Variants in DSCAM observed in about 807,000 individuals in gnomAD.
DSCAM encodes the protein DS cell adhesion molecule, also known as cell adhesion molecule DSCAM.
A neutral mutation model predicts 217.7 loss-of-function variants in DSCAM; 47 were observed. The ratio of observed to expected loss-of-function variants is 0.22; its 90% CI spans 0.17 to 0.28. The LOEUF is 0.28. Ranked by LOEUF, DSCAM falls within the 10% of genes least tolerant of loss-of-function variation. DSCAM has a pLI of 1.00. For missense variants in DSCAM, 2,080 were observed against 2,618.3 expected, an observed-to-expected ratio of 0.79 and a Z score of 4.49; for synonymous variants, 1,056 against 1,015.3, an observed-to-expected ratio of 1.04 and a Z score of -0.76.
At chr21:40,615,457 G>A (rs2089380356) in intron 3 of DSCAM, 1 of 7,606 alleles carries the variant, frequency 1.3e-4, no homozygotes, top group African/African-American at 7.6e-4. Context: ...CACTTTAAGA[G>A]TGATCTCTTC....
chr21:40,784,041 TTA>T (rs2091570528), intron 1 of DSCAM, among the ~76,000 whole-genome samples: 2 of 149,676 alleles, frequency 1.3e-5, no homozygotes, highest in African/African-American at 4.9e-5. Context: ...TCATCTTTTA[TTA>T]TTTTATTTAT....
intron 11 of DSCAM, among the ~76,000 whole-genome samples, chr21:40,257,562 A>AT (rs2073391307): frequency 1.3e-5 from 2 of 151,708 alleles, no homozygotes; most frequent in African/African-American, 2.4e-5. Flanking sequence ...ATAATGCATC[A>AT]TCCTTAGCCT....
intron 15 of DSCAM, among the ~76,000 whole-genome samples, chr21:40,177,507 C>T (rs2090746474): frequency 6.6e-6 from 1 of 152,174 alleles, no homozygotes; most frequent in East Asian, 1.9e-4. Context: ...AAGAGTTGTA[C>T]ATTTTAACCT....
intron 3 of DSCAM, among the ~76,000 whole-genome samples, chr21:40,536,675 G>A (rs2076501950): frequency 1.3e-5 from 2 of 152,242 alleles, no homozygotes; most frequent in South Asian, 4.2e-4. Context: ...CAAAGTGCAG[G>A]GATTACAGGC....
intron 5 of DSCAM, among the ~76,000 whole-genome samples, chr21:40,352,498 C>G (rs2074642259): frequency 6.6e-6 from 1 of 151,882 alleles, no homozygotes; most frequent in Non-Finnish European, 1.5e-5. Flanking sequence ...AATATATTCT[C>G]TTAGGCTGGT....
At chr21:40,341,302 A>G (rs1329973004) in intron 6 of DSCAM, among the ~76,000 whole-genome samples, 1 of 152,196 alleles carries the variant, frequency 6.6e-6, no homozygotes, top group African/African-American at 2.4e-5. Context: ...AATACTTAGG[A>G]GTACTGGAGT....
chr21:40,365,824 A>G (rs1427532819), intron 4 of DSCAM, among the ~76,000 whole-genome samples: 4 of 152,186 alleles, frequency 2.6e-5, no homozygotes, highest in Admixed American at 2.6e-4. Context: ...TTTTTTACAC[A>G]TTTAACAAGT....
chr21:40,536,464 C>G (rs113201605), intron 3 of DSCAM, among the ~76,000 whole-genome samples: 12 of 148,206 alleles, frequency 8.1e-5, no homozygotes, highest in Admixed American at 1.4e-4. Context: ...TGCAGTGGCG[C>G]CATCTCGGCT....
At chr21:40,080,429 A>G in intron 24 of DSCAM, 89 bp from the exon 25 acceptor site, 1 of 1,154,248 alleles carries the variant, frequency 8.7e-7, no homozygotes, top group Middle Eastern at 3.0e-4. Flanking sequence ...GGGTAATAGA[A>G]CGAGCATTCT....
chr21:40,815,986 T>C (rs1265462233), intron 1 of DSCAM, among the ~76,000 whole-genome samples: 2 of 152,196 alleles, frequency 1.3e-5, no homozygotes, highest in Non-Finnish European at 2.9e-5. Flanking sequence ...GATGAGGCAA[T>C]GTGGCTGACA....
chr21:40,347,072 G>A (rs897148908), intron 6 of DSCAM, among the ~76,000 whole-genome samples: 10 of 152,098 alleles, frequency 6.6e-5, no homozygotes, highest in Non-Finnish European at 1.2e-4. Context: ...GGGCCGAGGC[G>A]GGCAGATCAC....
intron 3 of DSCAM, among the ~76,000 whole-genome samples, chr21:40,484,328 G>A (rs1334374792): frequency 6.6e-6 from 1 of 152,186 alleles, no homozygotes; most frequent in Admixed American, 6.5e-5. Context: ...TCTTTGACTT[G>A]ACTGTTTACA....
rs192480502 is a variant in DSCAM at position 40,554,591 on chromosome 21, A to C, written c.508+138219T>G. Reference sequence around the variant, plus strand: ...AAAGAATATGAGTAACAAATCTCAGAAAAGTATATATTACAGAGACGGTTA... The same window carrying C: ...AAAGAATATGAGTAACAAATCTCAGCAAAGTATATATTACAGAGACGGTTA... On this transcript the variant is annotated intron_variant, in intron 3 of 32. Transcript: ENST00000400454. 2.0e-5 allele frequency among the ~76,000 whole-genome samples: 3 copies of C among 152,340 alleles called. No homozygotes were observed. The East Asian group carries it at 5.8e-4, about 29-fold the overall frequency.
intron 10 of DSCAM, among the ~76,000 whole-genome samples, chr21:40,295,196 G>C (rs79411821): frequency 1.3e-5 from 2 of 151,892 alleles, no homozygotes; most frequent in Non-Finnish European, 2.9e-5. Context: ...AAAAAAAAAG[G>C]TCATGATTGA....
At chr21:40,702,481 G>A (rs1437535508) in intron 2 of DSCAM, among the ~76,000 whole-genome samples, 2 of 152,106 alleles carry the variant, frequency 1.3e-5, no homozygotes, top group East Asian at 3.8e-4. Flanking sequence ...TTGATTTGAT[G>A]AGGATGGTAT....
chr21:40,779,831 T>C (rs915540484), intron 1 of DSCAM, among the ~76,000 whole-genome samples: 2 of 152,142 alleles, frequency 1.3e-5, no homozygotes, highest in Non-Finnish European at 2.9e-5. Context: ...ATGTGGCCAC[T>C]GCATAGTGAG....
chr21:40,504,764 G>A (rs1422203324), intron 3 of DSCAM, among the ~76,000 whole-genome samples: 2 of 152,168 alleles, frequency 1.3e-5, no homozygotes, highest in Non-Finnish European at 2.9e-5. Flanking sequence ...CTCTGGGGGT[G>A]AAACTGCAAG....
At chr21:40,628,766 G>A (rs1183639610) in intron 3 of DSCAM, among the ~76,000 whole-genome samples, 1 of 151,002 alleles carries the variant, frequency 6.6e-6, no homozygotes, top group African/African-American at 2.4e-5. Context: ...TGTGTTTTTT[G>A]AGACAGGGTC....
chr21:40,126,882 C>G (rs553326859), intron 19 of DSCAM, among the ~76,000 whole-genome samples: 1 of 152,270 alleles, frequency 6.6e-6, no homozygotes, highest in Admixed American at 6.5e-5. Context: ...TTGAAGAACA[C>G]GGCATTTTGG....
Sources: allele counts gnomAD v4.1 joint callset (sites outside exome capture counted in the v4.1 genomes callset), GRCh38; gene constraint gnomAD v4.1.1; transcripts MANE v1.5; gene names NCBI Gene and HGNC (gene_info 2026-07-23, HGNC 2026-07-21).